Variants in CTIF observed in about 807,000 individuals in gnomAD.
CTIF encodes CBP80/20-dependent translation initiation factor.
A neutral mutation model predicts 66.0 loss-of-function variants in CTIF; 21 were observed. The observed-to-expected ratio is 0.32, with a 90% CI of 0.23 to 0.46. CTIF has a LOEUF of 0.46. Ranked by LOEUF, CTIF falls within the 20% of genes least tolerant of loss-of-function variation. The probability of loss-of-function intolerance (pLI) is 1.00; values close to 1 mark genes in which losing one functional copy is unlikely to be tolerated. For synonymous variants in CTIF, 345 were observed against 326.4 expected, an observed-to-expected ratio of 1.06 and a Z score of -0.62; for missense variants, 739 against 812.7, an observed-to-expected ratio of 0.91 and a Z score of 1.10.
intron 10 of CTIF, among the ~76,000 whole-genome samples, chr18:48,822,079 G>C (rs753559440): frequency 2.0e-5 from 3 of 152,138 alleles, no homozygotes; most frequent in African/African-American, 4.8e-5. Context: ...TGCAGTATTC[G>C]TTCTTCTGTG....
intron 2 of CTIF, among the ~76,000 whole-genome samples, chr18:48,627,769 T>TGG (rs372527390): frequency 6.0e-5 from 1 of 16,722 alleles, no homozygotes; most frequent in Non-Finnish European, 1.4e-4. Context: ...AAGACAGGGT[T>TGG]GGGGGGGAGG....
chr18:48,592,913 G>A (rs1392605026), intron 1 of CTIF, among the ~76,000 whole-genome samples: 4 of 152,238 alleles, frequency 2.6e-5, no homozygotes, highest in Non-Finnish European at 4.4e-5. Context: ...TTCCGGAGAG[G>A]CAGGCTGCCG....
intron 6 of CTIF, chr18:48,688,130 G>T (rs1220892269): frequency 2.0e-5 from 3 of 152,210 alleles, no homozygotes; most frequent in Non-Finnish European, 4.4e-5. Context: ...TGATAAAGAG[G>T]TAGAAACCTC....
intron 10 of CTIF, among the ~76,000 whole-genome samples, chr18:48,850,316 G>C (rs185717849): frequency 6.6e-6 from 1 of 152,128 alleles, no homozygotes; most frequent in South Asian, 2.1e-4. Context: ...AATGCTGCTG[G>C]GAACATGAGT....
At chr18:48,744,981 C>T (rs1164321885) in intron 7 of CTIF, among the ~76,000 whole-genome samples, 1 of 152,146 alleles carries the variant, frequency 6.6e-6, no homozygotes, top group African/African-American at 2.4e-5. Flanking sequence ...CACCACCACA[C>T]CCGGCTAATT....
At chr18:48,681,050 A>G (rs924447422) in intron 6 of CTIF, among the ~76,000 whole-genome samples, 1 of 152,202 alleles carries the variant, frequency 6.6e-6, no homozygotes, top group African/African-American at 2.4e-5. Context: ...CGGCCCCCCC[A>G]GGACACACTG....
Position 48,712,104 on chromosome 18 carries a change from G to A in CTIF, c.584+409G>A, listed in dbSNP as rs142722113. On this transcript the variant is annotated intron_variant, in intron 7 of 11. Coordinates refer to ENST00000256413, the MANE Select transcript of CTIF (RefSeq NM_014772.3). ...CAGGAGGCTCCTGGAGCTCACAAGT[G>A]CAAGAGTATCTGTTTTCCTCCTCCC... is the stretch of plus-strand genomic sequence containing the variant. 9.4e-3 allele frequency among the ~76,000 whole-genome samples: 1,434 copies of A among 152,290 alleles called. 10 individuals carry two copies. The highest frequency in any genetic ancestry group is 0.017 in the Admixed American group (255 of 15,304).
At chr18:48,579,734 G>T (rs965558870) in intron 1 of CTIF, among the ~76,000 whole-genome samples, 1 of 152,064 alleles carries the variant, frequency 6.6e-6, no homozygotes, top group Non-Finnish European at 1.5e-5. Context: ...AGGTCTCTTT[G>T]TGTCTTTATT....
intron 1 of CTIF, among the ~76,000 whole-genome samples, chr18:48,559,771 G>C (rs1300971567): frequency 6.6e-6 from 1 of 152,146 alleles, no homozygotes. Context: ...CCAATGTAGA[G>C]TGGAGTAATA....
intron 7 of CTIF, among the ~76,000 whole-genome samples, chr18:48,713,991 T>C (rs565094341): frequency 6.6e-6 from 1 of 151,622 alleles, no homozygotes; most frequent in African/African-American, 2.4e-5. Context: ...TGTCGTGGAG[T>C]CCTCAGGTGA....
At chr18:48,714,219 T>C (rs2092257297) in intron 7 of CTIF, among the ~76,000 whole-genome samples, 1 of 152,200 alleles carries the variant, frequency 6.6e-6, no homozygotes, top group African/African-American at 2.4e-5. Context: ...TGGAAGTCCA[T>C]ACTTGTGTGC....
In CTIF at chr18:48,545,928, G is replaced by T. The variant is rs147571683; in HGVS notation, c.-29+6616G>T. On this transcript the variant is annotated intron_variant, in intron 1 of 11. Transcript: ENST00000256413. ...GCGGGGATGCTGTGTCATGCTGGAGGCCCAGCTGGCAGAATCCAGCGACAG... is the reference window on the plus strand; with the variant it reads ...GCGGGGATGCTGTGTCATGCTGGAGTCCCAGCTGGCAGAATCCAGCGACAG... Among the ~76,000 whole-genome samples, 343 of 152,286 alleles carry T rather than the reference G, an allele frequency of 2.3e-3. 2 individuals are homozygous for T. Among genetic ancestry groups the T allele is most frequent in the Non-Finnish European group, 3.7e-3 (255 of 68,026 alleles).
intron 3 of CTIF, among the ~76,000 whole-genome samples, chr18:48,652,421 A>G (rs902073139): frequency 2.2e-4 from 33 of 152,358 alleles, no homozygotes; most frequent in African/African-American, 7.5e-4. Flanking sequence ...ACACCCTCCC[A>G]AGACTAAACC....
chr18:48,673,385 A>G (rs1473767579), intron 6 of CTIF, among the ~76,000 whole-genome samples: 1 of 151,898 alleles, frequency 6.6e-6, no homozygotes, highest in African/African-American at 2.4e-5. Context: ...GAAATTCAGC[A>G]TGAACCTGGT....
At chr18:48,553,239 A>G (rs2088931295) in intron 1 of CTIF, among the ~76,000 whole-genome samples, 1 of 152,012 alleles carries the variant, frequency 6.6e-6, no homozygotes, top group South Asian at 2.1e-4. Context: ...GCGTGTGGGG[A>G]GAGGGTTGCT....
At chr18:48,638,531 C>T (rs2090866210) in intron 3 of CTIF, among the ~76,000 whole-genome samples, 1 of 152,046 alleles carries the variant, frequency 6.6e-6, no homozygotes. Flanking sequence ...CAGCTGTCCT[C>T]TCGGGTCTGC....
At chr18:48,621,186 T>G (rs767509652) in intron 2 of CTIF, among the ~76,000 whole-genome samples, 45 of 151,034 alleles carry the variant, frequency 3.0e-4, no homozygotes, top group Non-Finnish European at 6.2e-4. Context: ...GGATGATCAT[T>G]GCGATGGAGA....
intron 6 of CTIF, among the ~76,000 whole-genome samples, chr18:48,704,733 A>G (rs1449530785): frequency 2.0e-5 from 3 of 152,266 alleles, no homozygotes; most frequent in Middle Eastern, 3.4e-3. Context: ...GCACATTCCA[A>G]TGTGTCCTCA....
chr18:48,697,376 G>T (rs1363783872), intron 6 of CTIF, among the ~76,000 whole-genome samples: 1 of 152,238 alleles, frequency 6.6e-6, no homozygotes, highest in Non-Finnish European at 1.5e-5. Flanking sequence ...AGTTTGTCCA[G>T]TGTGCTGTGT....
Sources: allele counts gnomAD v4.1 joint callset (sites outside exome capture counted in the v4.1 genomes callset), GRCh38; gene constraint gnomAD v4.1.1; transcripts MANE v1.5; gene names NCBI Gene and HGNC (gene_info 2026-07-23, HGNC 2026-07-21).